The following ERMAP variants were observed in gnomAD, a reference collection of about 807,000 sequenced individuals.
The protein encoded by ERMAP is erythroid membrane-associated protein.
ERMAP carries 34 observed loss-of-function variants against 49.5 expected under a neutral mutation model. The observed-to-expected ratio is 0.69, with a 90% confidence interval of 0.52 to 0.91. The LOEUF is 0.91. ERMAP is among the 40% of genes least tolerant of loss of function. ERMAP has a pLI of 0.00. For missense variants in ERMAP, 541 were observed against 582.6 expected (o/e 0.93, Z 0.74); for synonymous variants, 214 against 232.2 (o/e 0.92, Z 0.71).
chr1:42,829,243 G>C (rs1353308056), intron 2 of ERMAP, among the ~76,000 whole-genome samples: 1 of 152,158 alleles, frequency 6.6e-6, no homozygotes, highest in African/African-American at 2.4e-5. Flanking sequence ...CTAAACCAGT[G>C]TGCTTTTTGC....
intron 6 of ERMAP, among the ~76,000 whole-genome samples, chr1:42,836,096 C>A (rs1472217541): frequency 2.6e-5 from 4 of 152,082 alleles, no homozygotes; most frequent in Non-Finnish European, 4.4e-5. Context: ...ATACTAGATT[C>A]TGGGGATGCA....
chr1:42,835,596 A>G (rs1654871041), intron 5 of ERMAP, 136 bp from the exon 6 acceptor site: 2 of 1,151,042 alleles, frequency 1.7e-6, no homozygotes, highest in African/African-American at 3.2e-5. Context: ...AAGACTCTCT[A>G]ATCCTTTCAA....
rs773441122 is a variant in ERMAP, at chr1:42,830,797, G to A, written c.115G>A (p.Val39Met). 1.9e-5 allele frequency: 29 copies of A among 1,563,220 alleles called. 1 individual carries two copies. The highest frequency in any genetic ancestry group is 2.3e-5 in the Non-Finnish European group (27 of 1,154,126). Reference sequence around the variant, plus strand: ...CGCAGGGGATGCCGGCAAGTTCCACGTGGCCCTACTAGGGGGCACAGCCGA... The same window carrying A: ...CGCAGGGGATGCCGGCAAGTTCCACATGGCCCTACTAGGGGGCACAGCCGA... The part of the protein sequence containing the change: ...GHAGDAGKFH[V>M]ALLGGTAELL... The change falls in exon 4 of 12, where the codon GTG (valine) becomes ATG (methionine). Residue 39 changes from valine to methionine, a missense_variant. By Grantham distance (21) the Val-to-Met change is conservative. Transcript: ENST00000372517.
intron 8 of ERMAP, chr1:42,839,687 A>T: frequency 5.4e-6 from 2 of 368,608 alleles, no homozygotes; most frequent in Non-Finnish European, 9.8e-6. Flanking sequence ...AATATACATG[A>T]TCACAAAGTC....
In ERMAP at chr1:42,842,669, A is replaced by C. The variant is rs758619939; in HGVS notation, c.865A>C (p.Thr289Pro). 1 of 1,614,204 alleles carries C rather than the reference A, an allele frequency of 6.2e-7. No homozygotes were observed. The highest frequency in any genetic ancestry group is 8.5e-7 in the Non-Finnish European group (1 of 1,180,026). The change falls in exon 12 of 12, where the codon ACG becomes CCG. Residue 289 changes from threonine to proline, a missense_variant. By Grantham distance (38) the Thr-to-Pro change is conservative (BLOSUM62 -1). Coordinates refer to ENST00000372517, the MANE Select transcript of ERMAP (RefSeq NM_001017922.2). Reference sequence around the variant, plus strand: ...CAGCATCCTAGGCTCTGAGTACTTCACGACTGGCTGCCACTACTGGGAGGT... The same window carrying C: ...CAGCATCCTAGGCTCTGAGTACTTCCCGACTGGCTGCCACTACTGGGAGGT... ...VVSILGSEYF[T>P]TGCHYWEVYV...
Position 42,825,715 on chromosome 1 carries a change from C to T in ERMAP, c.-29C>T. The T allele has an allele frequency of 7.8e-7, 1 of 1,289,398 alleles. No individual in the cohort carries two copies. Among genetic ancestry groups the T allele is most frequent in the Non-Finnish European group, 1.0e-6 (1 of 988,878 alleles). 79.9% of individuals were successfully genotyped at this position (1,289,398 alleles called of 1,614,324 possible). On this transcript the variant is annotated 5_prime_UTR_variant, in exon 2 of 12. Coordinates refer to ENST00000372517, the MANE Select transcript of ERMAP (RefSeq NM_001017922.2). ...ACTCCAGCTTTGCCTGTGAGAGGAA[C>T]AAGCGTCCCTGATCCAGAAGGTGGT...
intron 1 of ERMAP, among the ~76,000 whole-genome samples, chr1:42,821,987 T>G (rs562586745): frequency 6.8e-6 from 1 of 147,730 alleles, no homozygotes; most frequent in Non-Finnish European, 1.5e-5. Flanking sequence ...CACTCCAGCC[T>G]GGGCAACAGA....
At chr1:42,817,363 G>C (rs948479687) in intron 1 of ERMAP, 110 bp downstream of exon 1, 1 of 688,716 alleles carries the variant, frequency 1.5e-6, no homozygotes, top group Non-Finnish European at 1.9e-6. Flanking sequence ...AGCGCCAGGA[G>C]GCTTCCGCCC....
intron 8 of ERMAP, 149 bp downstream of exon 8, chr1:42,839,070 G>C (rs1654984378): frequency 8.6e-7 from 1 of 1,157,492 alleles, no homozygotes; most frequent in Non-Finnish European, 1.3e-6. Flanking sequence ...GCTCTCAAAG[G>C]CCTCTTTTCT....
intron 5 of ERMAP, among the ~76,000 whole-genome samples, chr1:42,835,425 C>G (rs1654866385): frequency 1.3e-5 from 2 of 152,184 alleles, no homozygotes. Context: ...TTCTAATTAA[C>G]TAAGAAATGA....
chr1:42,842,702 G>A lies in ERMAP; in HGVS notation c.898G>A (p.Gly300Arg), dbSNP rs1297706893. 1 of 1,614,160 alleles carries A rather than the reference G, an allele frequency of 6.2e-7. No homozygotes were observed. Among genetic ancestry groups the A allele is most frequent in the Admixed American group, 1.7e-5 (1 of 60,026 alleles). ...TGCHYWEVYV[G>R]DKTKWILGVC... ...CTGCCACTACTGGGAGGTGTATGTG[G>A]GAGACAAGACCAAATGGATTCTTGG... The change falls in exon 12 of 12, where the codon GGA becomes AGA. Residue 300 changes from glycine (G) to arginine (R), a missense_variant. Gly to Arg is a moderately radical substitution (Grantham distance 125). Transcript: ENST00000372517.
At position 42,840,252 on chromosome 1, in the gene ERMAP, C is replaced by T; in HGVS notation, c.686-18C>T. On this transcript the variant is annotated intron_variant, in intron 10 of 11. Transcript: ENST00000372517. Reference sequence around the variant, plus strand: ...GATGTCTCTGGTACTTTAATGATCCCCTTTTCTCATTTTTCAGGCTGGAGA... The same window carrying T: ...GATGTCTCTGGTACTTTAATGATCCTCTTTTCTCATTTTTCAGGCTGGAGA... 1 of 1,614,076 alleles carries T rather than the reference C, an allele frequency of 6.2e-7. No individual in the cohort carries two copies. Among genetic ancestry groups the T allele is most frequent in the Non-Finnish European group, 8.5e-7 (1 of 1,180,014 alleles).
chr1:42,830,496 C>G lies in ERMAP; in HGVS notation c.48C>G (p.Ile16Met), dbSNP rs1654688100. The change falls in exon 3 of 12, where the codon ATC (isoleucine) becomes ATG (methionine). Residue 16 changes from isoleucine (I) to methionine (M), a missense_variant. Ile to Met is a conservative substitution (Grantham distance 10, BLOSUM62 1). Coordinates refer to ENST00000372517, the MANE Select transcript of ERMAP (RefSeq NM_001017922.2). ...GCTCCTGGCTCTCTGGCTGCCTCAT[C>G]CCTCTCGTCTTCCTCCGGCTGTCTG... is the stretch of plus-strand genomic sequence containing the variant. Reference protein sequence around the residue: ...SAGSWLSGCLIPLVFLRLSVH... With the variant: ...SAGSWLSGCLMPLVFLRLSVH... 1.2e-6 allele frequency: 2 copies of G among 1,614,040 alleles called. No homozygotes were observed. The highest frequency in any genetic ancestry group is 1.7e-6 in the Non-Finnish European group (2 of 1,180,024).
intron 1 of ERMAP, chr1:42,817,749 G>A (rs1360258891): frequency 6.6e-6 from 1 of 152,222 alleles, no homozygotes; most frequent in African/African-American, 2.4e-5. Flanking sequence ...TATAAATACA[G>A]AGAACATTCA....
chr1:42,837,288 A>G, intron 7 of ERMAP, 98 bp downstream of exon 7: 1 of 1,330,066 alleles, frequency 7.5e-7, no homozygotes, highest in South Asian at 1.2e-5. Flanking sequence ...TATTTTTATA[A>G]TACTGTACAC....
chr1:42,833,365 A>C (rs1184469962), intron 4 of ERMAP, among the ~76,000 whole-genome samples: 4 of 152,200 alleles, frequency 2.6e-5, no homozygotes, highest in African/African-American at 9.6e-5. Flanking sequence ...TCTTTCTTGC[A>C]AGACTTTTTT....
rs956618268 is a variant in ERMAP at position 42,819,168 on chromosome 1, AGCGTGTGTGT to A, written c.-122+1917_-122+1926del. Among the ~76,000 whole-genome samples the A allele has an allele frequency of 4.2e-5, 4 of 94,234 alleles. No individual in the cohort carries two copies. The highest frequency in any genetic ancestry group is 1.5e-4 in the African/African-American group (4 of 27,056). The allele number at this position is 94,234 out of a possible 152,430, so 61.8% of individuals were successfully genotyped here. A position where few individuals can be genotyped will look rare whatever the true frequency, so the allele number is the denominator to read the frequency against. On this transcript the variant is annotated intron_variant, in intron 1 of 11. Coordinates refer to ENST00000372517, the MANE Select transcript of ERMAP (RefSeq NM_001017922.2). The surrounding 1 kb of genome is among the most constrained non-coding windows in gnomAD (Gnocchi z 5.1). ...ACGGTGAGGAAGAGGATAAGTTAGG[AGCGTGTGTGT>A]GTGTGTGTGTGTGTGTGTGTGTGTG...
At chr1:42,821,548 C>A (rs930931126) in intron 1 of ERMAP, among the ~76,000 whole-genome samples, 2 of 152,166 alleles carry the variant, frequency 1.3e-5, no homozygotes, top group Non-Finnish European at 2.9e-5. Context: ...TTAATTATGA[C>A]AAGTTATAAA....
intron 1 of ERMAP, among the ~76,000 whole-genome samples, chr1:42,820,603 G>A (rs924752560): frequency 1.3e-5 from 2 of 151,962 alleles, no homozygotes; most frequent in African/African-American, 2.4e-5. Context: ...ATTTTCCTGA[G>A]CTGTATCCCC....
Sources: allele counts gnomAD v4.1 joint callset (sites outside exome capture counted in the v4.1 genomes callset), GRCh38; gene constraint gnomAD v4.1.1; non-coding constraint Gnocchi (gnomAD v3.1); transcripts MANE v1.5; gene names NCBI Gene and HGNC (gene_info 2026-07-23, HGNC 2026-07-21).